BAZ1A: variants seen among roughly 807,000 people sequenced by gnomAD.
The protein encoded by BAZ1A is bromodomain adjacent to zinc finger domain protein 1A.
A neutral mutation model predicts 185.2 loss-of-function variants in BAZ1A; 50 were observed. That is an observed-to-expected ratio of 0.27 (90% CI 0.22 to 0.34). The LOEUF (loss-of-function observed/expected upper bound fraction) is 0.34, where lower values mean the gene tolerates loss of function less well. Ranked by LOEUF, BAZ1A falls within the 10% of genes least tolerant of loss-of-function variation. BAZ1A has a pLI of 1.00. For synonymous variants in BAZ1A, 571 were observed against 615.6 expected, an observed-to-expected ratio of 0.93 and a Z score of 1.07; for missense variants, 1,356 against 1,839.9, an observed-to-expected ratio of 0.74 and a Z score of 4.81.
At chr14:34,756,590 C>T (rs760299176) in intron 25 of BAZ1A, among the ~76,000 whole-genome samples, 3 of 149,240 alleles carry the variant, frequency 2.0e-5, no homozygotes, top group South Asian at 4.2e-4. Flanking sequence ...CTCAGCCTTC[C>T]GAGTAGCTGG....
intron 14 of BAZ1A, 96 bp downstream of exon 14, chr14:34,785,681 T>G: frequency 1.0e-6 from 1 of 968,916 alleles, no homozygotes; most frequent in Non-Finnish European, 1.6e-6. Flanking sequence ...CTTTTAATAC[T>G]GATTTATTGT....
At chr14:34,870,407 G>A (rs2042932263) in intron 2 of BAZ1A, among the ~76,000 whole-genome samples, 1 of 152,118 alleles carries the variant, frequency 6.6e-6, no homozygotes, top group Non-Finnish European at 1.5e-5. Flanking sequence ...AAAACCCCAT[G>A]CTCACCAAAT....
intron 2 of BAZ1A, among the ~76,000 whole-genome samples, chr14:34,873,903 G>A (rs1354575429): frequency 1.3e-5 from 2 of 152,122 alleles, no homozygotes; most frequent in Non-Finnish European, 2.9e-5. Context: ...CCCCTGGCCC[G>A]TAGGGACGCC....
At chr14:34,841,338 T>C (rs897191585) in intron 3 of BAZ1A, among the ~76,000 whole-genome samples, 2 of 152,232 alleles carry the variant, frequency 1.3e-5, no homozygotes, top group Non-Finnish European at 2.9e-5. Context: ...ACAATGCCCT[T>C]TATTCATTCT....
At chr14:34,798,117 G>A (rs1881305322) in intron 9 of BAZ1A, among the ~76,000 whole-genome samples, 1 of 152,262 alleles carries the variant, frequency 6.6e-6, no homozygotes, top group Admixed American at 6.5e-5. Flanking sequence ...CCTGGCAGGG[G>A]GAGGGGGCGT....
At chr14:34,788,036 G>A (rs1387544823) in intron 12 of BAZ1A, among the ~76,000 whole-genome samples, 1 of 137,154 alleles carries the variant, frequency 7.3e-6, no homozygotes, top group Non-Finnish European at 1.6e-5. Flanking sequence ...TTTTTTTTTT[G>A]AAGATGGAGT....
In BAZ1A at chr14:34,858,285, T is replaced by C. The variant is rs114537422; in HGVS notation, c.392+3759A>G. Among the ~76,000 whole-genome samples, 868 of 152,250 alleles carry C rather than the reference T, an allele frequency of 5.7e-3. 8 individuals carry two copies. The highest frequency in any genetic ancestry group is 0.02 in the African/African-American group (827 of 41,540). On this transcript the variant is annotated intron_variant, in intron 3 of 26. Coordinates refer to ENST00000360310, the MANE Select transcript of BAZ1A (RefSeq NM_013448.3). ...AAAAAAATTTTTTTTTGAGACAGAC[T>C]CGTGCTTTGTTGCCCAGACTGGAGT... is the stretch of plus-strand genomic sequence containing the variant.
intron 24 of BAZ1A, among the ~76,000 whole-genome samples, chr14:34,759,688 T>C (rs1275202748): frequency 6.6e-6 from 1 of 152,086 alleles, no homozygotes; most frequent in Non-Finnish European, 1.5e-5. Flanking sequence ...TTTTATTTAA[T>C]TTTTGAGACA....
At position 34,801,272 on chromosome 14, in the gene BAZ1A, A is replaced by G. The variant is rs980946838; in HGVS notation, c.862-79T>C. The G allele has an allele frequency of 8.5e-6, 8 of 939,670 alleles. No individual in the cohort carries two copies. The East Asian group carries it at 2.1e-4, about 25-fold the overall frequency. 58.2% of individuals were successfully genotyped at this position (939,670 alleles called of 1,614,324 possible). A position where few individuals can be genotyped will look rare whatever the true frequency, so the allele number is the denominator to read the frequency against. On this transcript the variant is annotated intron_variant, in intron 7 of 26. Transcript: ENST00000360310. ...AAAAAATTTAAAACTCTCACCAATT[A>G]CACTTTCTTTATACTAAAATGATTT... is the stretch of plus-strand genomic sequence containing the variant.
rs148500934 is a variant in BAZ1A at position 34,867,687 on chromosome 14, C to T, written c.114-5365G>A. ...ATTATAGCTTCACTGTTCACAAAGA[C>T]TTACCCTAAGGAGGCAGGACATGCT... On this transcript the variant is annotated intron_variant, in intron 2 of 26. Transcript: ENST00000360310. Among the ~76,000 whole-genome samples, 37 of 152,306 alleles carry T rather than the reference C, an allele frequency of 2.4e-4. 1 individual carries two copies. Among genetic ancestry groups the T allele is most frequent in the African/African-American group, 7.9e-4 (33 of 41,556 alleles).
chr14:34,789,870 G>A (rs1410532908), intron 12 of BAZ1A, among the ~76,000 whole-genome samples: 3 of 152,092 alleles, frequency 2.0e-5, no homozygotes, highest in Admixed American at 6.6e-5. Flanking sequence ...TAGCATAATT[G>A]TAATGAGTAT....
At chr14:34,762,487 T>TA (rs1225650351) in intron 23 of BAZ1A, among the ~76,000 whole-genome samples, 2 of 151,850 alleles carry the variant, frequency 1.3e-5, no homozygotes, top group Admixed American at 6.6e-5. Context: ...TTTCTTTATT[T>TA]TTTTTTTTTG....
chr14:34,866,502 A>AAAAAAAAAAAAAAAAAAAAAGAAAG lies in BAZ1A; in HGVS notation c.114-4181_114-4180insCTTTCTTTTTTTTTTTTTTTTTTTT. 9.1e-4 allele frequency among the ~76,000 whole-genome samples: 72 copies of AAAAAAAAAAAAAAAAAAAAAGAAAG among 79,538 alleles called. 6 individuals carry two copies. Among genetic ancestry groups the AAAAAAAAAAAAAAAAAAAAAGAAAG allele is most frequent in the Non-Finnish European group, 1.2e-3 (42 of 35,274 alleles). 52.2% of individuals were successfully genotyped at this position (79,538 alleles called of 152,430 possible). A position where few individuals can be genotyped will look rare whatever the true frequency, so the allele number is the denominator to read the frequency against. On this transcript the variant is annotated intron_variant, in intron 2 of 26. Transcript: ENST00000360310. ...AACAATATCTCAAAAAAAAAAAAAAAGAAAAAAGTTCTAACTTTTTCCTAT... is the reference window on the plus strand; with the variant it reads ...AACAATATCTCAAAAAAAAAAAAAAAAAAAAAAAAAAAAAAAAAAAGAAAGGAAAAAAGTTCTAACTTTTTCCTAT...
chr14:34,764,278 T>C (rs900239271), intron 23 of BAZ1A, among the ~76,000 whole-genome samples: 2 of 144,742 alleles, frequency 1.4e-5, no homozygotes, highest in African/African-American at 5.2e-5. Context: ...CGTTAGTTTC[T>C]TTTTTCTTTT....
rs757525684 is a variant in BAZ1A, at chr14:34,765,080, C to T, written c.3490G>A (p.Val1164Ile). 3 of 1,614,200 alleles carry T rather than the reference C, an allele frequency of 1.9e-6. No homozygotes were observed. Among genetic ancestry groups the T allele is most frequent in the Non-Finnish European group, 2.5e-6 (3 of 1,180,028 alleles). ...CRKKGDAENM[V>I]LCDGCDRGHH... ...CCCCTATCACAGCCATCACAAAGAACCATGTTTTCAGCATCGCCTTTCTTT... is the reference window on the plus strand; with the variant it reads ...CCCCTATCACAGCCATCACAAAGAATCATGTTTTCAGCATCGCCTTTCTTT... The change falls in exon 22 of 27, where the codon GTT (valine) becomes ATT (isoleucine). Residue 1164 changes from valine to isoleucine, a missense_variant. Physicochemically the swap from Val to Ile is conservative, Grantham distance 29. Transcript: ENST00000360310.
intron 4 of BAZ1A, among the ~76,000 whole-genome samples, chr14:34,820,121 C>CT (rs1594872711): frequency 1.1e-5 from 1 of 93,980 alleles, no homozygotes; most frequent in African/African-American, 3.5e-5. Context: ...TTGGGTTCCT[C>CT]GTTTTTTTTT....
chr14:34,774,613 AAATG>A (rs906237966), intron 18 of BAZ1A, 123 bp from the exon 19 acceptor site: 458 of 749,150 alleles, frequency 6.1e-4, no homozygotes, highest in South Asian at 1.3e-3. Flanking sequence ...CAAGTGCCAC[AAATG>A]AATGAATGAA....
chr14:34,828,153 C>T (rs894454066), intron 3 of BAZ1A, among the ~76,000 whole-genome samples: 2 of 151,784 alleles, frequency 1.3e-5, no homozygotes, highest in East Asian at 1.9e-4. Context: ...ATTAACTGGG[C>T]GTGGTGGCAC....
At chr14:34,766,207 T>A (rs1364236395) in intron 21 of BAZ1A, among the ~76,000 whole-genome samples, 1 of 152,146 alleles carries the variant, frequency 6.6e-6, no homozygotes, top group Middle Eastern at 3.2e-3. Flanking sequence ...AATGAGATAA[T>A]ACGCATAAGG....
Sources: gnomAD v4.1 joint callset for allele counts (sites outside exome capture counted in the v4.1 genomes callset) on GRCh38, gnomAD v4.1.1 for gene constraint, MANE v1.5 for transcripts, NCBI Gene and HGNC (gene_info 2026-07-23, HGNC 2026-07-21) for gene names.